The following SLC44A1 variants were observed in gnomAD, a reference collection of about 807,000 sequenced individuals.
The protein encoded by SLC44A1 is solute carrier family 44 member 1.
Under a neutral mutation model 79.3 loss-of-function variants are expected in SLC44A1, and 26 were observed. The ratio of observed to expected loss-of-function variants is 0.33; its 90% CI spans 0.24 to 0.46. SLC44A1 has a LOEUF of 0.46. Among genes scored for constraint, SLC44A1 ranks in the 20% least tolerant of loss-of-function variants. The probability of loss-of-function intolerance (pLI) is 1.00; values close to 1 mark genes in which losing one functional copy is unlikely to be tolerated. For missense variants in SLC44A1, 688 were observed against 798.1 expected (o/e 0.86, Z 1.66); for synonymous variants, 263 against 286.2 (o/e 0.92, Z 0.82).
In SLC44A1 at chr9:105,385,498, C is replaced by T. The variant is rs766470537; in HGVS notation, c.1946C>T (p.Pro649Leu). 10 of 1,572,468 alleles carry T rather than the reference C, an allele frequency of 6.4e-6. No individual in the cohort carries two copies. Among genetic ancestry groups the T allele is most frequent in the South Asian group, 4.7e-5 (4 of 85,446 alleles). The change falls in exon 15 of 16, where the codon CCG becomes CTG. Residue 649 changes from proline to leucine, a missense_variant. Pro to Leu is a moderately conservative substitution (Grantham distance 98). Coordinates refer to ENST00000374720, the MANE Select transcript of SLC44A1 (RefSeq NM_080546.5). ...GTCGCTGATTCCAGAGAGCTAAAGCCGATGGTAGGTGGAGATGAGGAGGTG... is the reference window on the plus strand; with the variant it reads ...GTCGCTGATTCCAGAGAGCTAAAGCTGATGGTAGGTGGAGATGAGGAGGTG... ...GGVADSRELK[P>L]MASGASSA
At chr9:105,403,732 T>G (rs978429510) in intron 15 of SLC44A1, among the ~76,000 whole-genome samples, 2 of 149,426 alleles carry the variant, frequency 1.3e-5, no homozygotes, top group African/African-American at 5.0e-5. Context: ...GGGGCTGTAA[T>G]AAGCAAATAA....
chr9:105,362,961 G>A lies in SLC44A1; in HGVS notation c.1041G>A (p.Leu347=), dbSNP rs756596917. 1.2e-6 allele frequency: 2 copies of A among 1,613,346 alleles called. No individual in the cohort carries two copies. The highest frequency in any genetic ancestry group is 1.7e-6 in the Non-Finnish European group (2 of 1,179,754). ...QPFWTFFALV[L]FWVYWIMTLL... is the part of the protein sequence containing the mutation. The stretch of plus-strand genomic sequence containing the variant: ...TCTGGACTTTCTTTGCTCTTGTCTT[G>A]TTTTGGGTGTACTGGATCATGACAC... Residue 347 remains leucine (L), a synonymous_variant, in exon 9 of 16, where the codon TTG becomes TTA. Coordinates refer to ENST00000374720, the MANE Select transcript of SLC44A1 (RefSeq NM_080546.5).
Position 105,390,061 on chromosome 9 carries a change from T to G in SLC44A1, c.*1005T>G, listed in dbSNP as rs1828722660. On this transcript the variant is annotated 3_prime_UTR_variant, in exon 16 of 16. Coordinates refer to ENST00000374720, the MANE Select transcript of SLC44A1 (RefSeq NM_080546.5). ...CTTGCTATACAATCTGAAAACACAC[T>G]GGCAGGTGCTCCTCTCCTTGGCAAT... The G allele has an allele frequency of 1.6e-6, 2 of 1,281,410 alleles. No individual in the cohort carries two copies. The highest frequency in any genetic ancestry group is 4.0e-5 in the Admixed American group (1 of 25,054). The allele number at this position is 1,281,410 out of a possible 1,614,324, so 79.4% of individuals were successfully genotyped here.
intron 3 of SLC44A1, among the ~76,000 whole-genome samples, 183 bp from the exon 4 acceptor site, chr9:105,335,380 A>G (rs941412259): frequency 6.6e-6 from 1 of 152,186 alleles, no homozygotes; most frequent in Non-Finnish European, 1.5e-5. Flanking sequence ...TATAAGTCCT[A>G]CAATTCCCCT....
chr9:105,364,044 TAGACACTC>T (rs1827864799), intron 9 of SLC44A1, among the ~76,000 whole-genome samples: 1 of 152,210 alleles, frequency 6.6e-6, no homozygotes, highest in Non-Finnish European at 1.5e-5. Context: ...AGTTCATAGT[TAGACACTC>T]AGACTTTCTT....
chr9:105,395,071 T>C lies in SLC44A1; in HGVS notation c.*6015T>C, dbSNP rs1828847975. 3.0e-6 allele frequency: 3 copies of C among 985,490 alleles called. No individual in the cohort carries two copies. The highest frequency in any genetic ancestry group is 3.6e-6 in the Non-Finnish European group (3 of 829,954). The allele number at this position is 985,490 out of a possible 1,614,324, so 61.0% of individuals were successfully genotyped here. A position where few individuals can be genotyped will look rare whatever the true frequency, so the allele number is the denominator to read the frequency against. The stretch of plus-strand genomic sequence containing the variant: ...AAGTTCTTGTGAAATTTGATCCCAG[T>C]GGCTCATGACTTATAGTCAGGCATC... On this transcript the variant is annotated 3_prime_UTR_variant, in exon 16 of 16. Coordinates refer to ENST00000374720, the MANE Select transcript of SLC44A1 (RefSeq NM_080546.5).
chr9:105,244,725 C>T lies in SLC44A1; in HGVS notation c.-144C>T. The stretch of plus-strand genomic sequence containing the variant: ...CTCTAGCCGCGCCGCCTCTTGAGTA[C>T]CAGCCGCCGCTGCAGCCGCCGCCGC... On this transcript the variant is annotated 5_prime_UTR_variant, in exon 1 of 16. Coordinates refer to ENST00000374720, the MANE Select transcript of SLC44A1 (RefSeq NM_080546.5). 1 of 351,616 alleles carries T rather than the reference C, an allele frequency of 2.8e-6. No individual in the cohort carries two copies. Among genetic ancestry groups the T allele is most frequent in the Non-Finnish European group, 4.7e-6 (1 of 212,740 alleles). 21.8% of individuals were successfully genotyped at this position (351,616 alleles called of 1,614,324 possible).
intron 15 of SLC44A1, among the ~76,000 whole-genome samples, chr9:105,426,936 C>CT (rs10715005): frequency 7.2e-4 from 104 of 144,454 alleles, no homozygotes; most frequent in Admixed American, 2.1e-3. Context: ...TTTCCTTTTC[C>CT]TTTTTTTTTT....
intron 1 of SLC44A1, among the ~76,000 whole-genome samples, chr9:105,269,001 A>AT: frequency 1.3e-5 from 2 of 152,362 alleles, no homozygotes; most frequent in Middle Eastern, 6.8e-3. Context: ...TTTTAAAAAC[A>AT]TAAGTATGAA....
At position 105,257,804 on chromosome 9, in the gene SLC44A1, C is replaced by T. The variant is rs1374845581; in HGVS notation, c.36+12900C>T. ...AGTTGGTCAAAGGCAAGGAAGCAGA[C>T]AATAACTTGCTGCTTGTCAGTATGG... On this transcript the variant is annotated intron_variant, in intron 1 of 15. Transcript: ENST00000374720. Among the ~76,000 whole-genome samples the T allele has an allele frequency of 2.6e-5, 4 of 152,126 alleles. No homozygotes were observed. The South Asian group carries it at 6.2e-4, about 24-fold the overall frequency.
intron 1 of SLC44A1, among the ~76,000 whole-genome samples, chr9:105,281,144 C>G (rs756432106): frequency 2.6e-5 from 4 of 152,196 alleles, no homozygotes; most frequent in Non-Finnish European, 4.4e-5. Flanking sequence ...TGTAGATGCT[C>G]TCAGTAGAGA....
chr9:105,376,451 G>T (rs950072640), intron 13 of SLC44A1, among the ~76,000 whole-genome samples: 1 of 149,370 alleles, frequency 6.7e-6, no homozygotes, highest in African/African-American at 2.5e-5. Flanking sequence ...TCGGCTCACT[G>T]CAACCTCCGC....
chr9:105,247,090 A>AT (rs11382735), intron 1 of SLC44A1, among the ~76,000 whole-genome samples: 6,255 of 137,538 alleles, frequency 0.045, 423 homozygotes, highest in African/African-American at 0.15. Flanking sequence ...AGAGCTGGTG[A>AT]TTTTTTTTTT....
chr9:105,373,496 G>C (rs972642845), intron 12 of SLC44A1, among the ~76,000 whole-genome samples: 1 of 152,200 alleles, frequency 6.6e-6, no homozygotes, highest in South Asian at 2.1e-4. Flanking sequence ...GAATGAAAAC[G>C]TGTCAGCTAG....
chr9:105,434,707 G>A (rs1222248145), intron 15 of SLC44A1, among the ~76,000 whole-genome samples: 1 of 152,224 alleles, frequency 6.6e-6, no homozygotes, highest in African/African-American at 2.4e-5. Context: ...CTCATTGGAT[G>A]AGCTAGATTA....
rs180731438 is a variant in SLC44A1, at chr9:105,394,254, T to G, written c.*5198T>G. ...ACTAGAGATACTTTTGAGATGATGC[T>G]TACCACCTTCTGACCTGGAATCATT... On this transcript the variant is annotated 3_prime_UTR_variant, in exon 16 of 16. Coordinates refer to ENST00000374720, the MANE Select transcript of SLC44A1 (RefSeq NM_080546.5). 244 of 985,424 alleles carry G rather than the reference T, an allele frequency of 2.5e-4. No homozygotes were observed. In the South Asian group the frequency reaches 2.6e-3, roughly 10 times the overall value. The allele number at this position is 985,424 out of a possible 1,614,324, so 61.0% of individuals were successfully genotyped here. A position where few individuals can be genotyped will look rare whatever the true frequency, so the allele number is the denominator to read the frequency against.
intron 1 of SLC44A1, among the ~76,000 whole-genome samples, chr9:105,271,497 A>G (rs1360425087): frequency 6.6e-6 from 1 of 152,236 alleles, no homozygotes; most frequent in Admixed American, 6.5e-5. Flanking sequence ...CGGGAATGGT[A>G]CGAGCAAACA....
chr9:105,399,148 T>A (rs888555795), downstream of SLC44A1, among the ~76,000 whole-genome samples: 1 of 152,220 alleles, frequency 6.6e-6, no homozygotes, highest in Non-Finnish European at 1.5e-5. Context: ...ACTGTCCCAA[T>A]TCCAAGAAAA....
chr9:105,397,376 C>T, downstream of SLC44A1: 1 of 982,054 alleles, frequency 1.0e-6, no homozygotes, highest in African/African-American at 1.7e-5. Context: ...GTAACACTTC[C>T]CCATGCCCAG....
Sources: allele counts gnomAD v4.1 joint callset (sites outside exome capture counted in the v4.1 genomes callset), GRCh38; gene constraint gnomAD v4.1.1; transcripts MANE v1.5; gene names NCBI Gene and HGNC (gene_info 2026-07-23, HGNC 2026-07-21).